Variants in PRKG1 observed in about 807,000 individuals in gnomAD.
PRKG1 encodes cGMP-dependent protein kinase 1.
Under a neutral mutation model 88.1 loss-of-function variants are expected in PRKG1, and 35 were observed. That is an observed-to-expected ratio of 0.40 (90% CI 0.30 to 0.53). PRKG1 has a LOEUF of 0.53. Ranked by LOEUF, PRKG1 falls within the 20% of genes least tolerant of loss-of-function variation. The pLI, the probability that PRKG1 is intolerant of heterozygous loss-of-function variation, is 0.59. For synonymous variants in PRKG1, 303 were observed against 292.5 expected, an observed-to-expected ratio of 1.04 and a Z score of -0.37; for missense variants, 540 against 839.8, an observed-to-expected ratio of 0.64 and a Z score of 4.41.
chr10:51,434,327 G>A (rs1289677896), intron 2 of PRKG1, among the ~76,000 whole-genome samples: 1 of 152,100 alleles, frequency 6.6e-6, no homozygotes, highest in Non-Finnish European at 1.5e-5. Context: ...AAAGCCAAAA[G>A]ACGAAGTAGC....
intron 2 of PRKG1, among the ~76,000 whole-genome samples, chr10:51,449,972 AAG>A (rs1313655172): frequency 3.3e-5 from 5 of 151,986 alleles, no homozygotes; most frequent in African/African-American, 1.2e-4. Flanking sequence ...AACACAGAAA[AAG>A]AGCTATGGGC....
At chr10:51,799,609 A>T (rs984463048) in intron 3 of PRKG1, among the ~76,000 whole-genome samples, 1 of 151,738 alleles carries the variant, frequency 6.6e-6, no homozygotes, top group Non-Finnish European at 1.5e-5. Context: ...ATCCTAGGAG[A>T]TACTGGGGGA....
At chr10:51,771,992 TA>T (rs1388431174) in intron 3 of PRKG1, among the ~76,000 whole-genome samples, 1 of 152,196 alleles carries the variant, frequency 6.6e-6, no homozygotes, top group African/African-American at 2.4e-5. Context: ...ATGGTATTTT[TA>T]TTTTTTTTAA....
intron 7 of PRKG1, among the ~76,000 whole-genome samples, chr10:52,094,406 T>C (rs1009747173): frequency 1.3e-5 from 2 of 152,210 alleles, no homozygotes; most frequent in African/African-American, 4.8e-5. Flanking sequence ...TTTGTACTCA[T>C]ATCACTTGAT....
chr10:52,184,196 AAC>A (rs765236926), intron 9 of PRKG1, among the ~76,000 whole-genome samples: 1 of 152,220 alleles, frequency 6.6e-6, no homozygotes, highest in Admixed American at 6.5e-5. Context: ...ATAAAAATGA[AAC>A]AGTTAAGAAA....
chr10:51,497,176 TAAA>T (rs1840883657), intron 3 of PRKG1, among the ~76,000 whole-genome samples: 2 of 152,302 alleles, frequency 1.3e-5, no homozygotes, highest in South Asian at 4.1e-4. Flanking sequence ...TGGGATAAAA[TAAA>T]GGGTTTTCTT....
chr10:51,283,656 A>G (rs1840359799), intron 2 of PRKG1, among the ~76,000 whole-genome samples: 1 of 152,218 alleles, frequency 6.6e-6, no homozygotes, highest in East Asian at 1.9e-4. Flanking sequence ...GAAGACACTG[A>G]GAGTATCTTA....
chr10:51,107,532 A>G (rs1337884535), intron 1 of PRKG1, among the ~76,000 whole-genome samples: 2 of 152,122 alleles, frequency 1.3e-5, no homozygotes, highest in African/African-American at 2.4e-5. Flanking sequence ...TAGTTCTTTG[A>G]TAGGATCAAT....
chr10:51,563,098 C>A (rs928752040), intron 3 of PRKG1, among the ~76,000 whole-genome samples: 3 of 151,994 alleles, frequency 2.0e-5, no homozygotes, highest in African/African-American at 4.8e-5. Flanking sequence ...ACTTTAGATT[C>A]ATTCTTCAGA....
chr10:51,955,282 T>C (rs1304539327), intron 5 of PRKG1, among the ~76,000 whole-genome samples: 2 of 152,100 alleles, frequency 1.3e-5, no homozygotes, highest in Non-Finnish European at 2.9e-5. Flanking sequence ...CATTCACCAA[T>C]ATTTGACAGC....
chr10:51,249,358 G>C (rs2132138187), intron 2 of PRKG1, among the ~76,000 whole-genome samples: 1 of 151,918 alleles, frequency 6.6e-6, no homozygotes, highest in East Asian at 1.9e-4. Context: ...AAAAGTTTTT[G>C]ACATACAGAA....
At chr10:52,043,632 A>G (rs1238152929) in intron 5 of PRKG1, among the ~76,000 whole-genome samples, 1 of 152,022 alleles carries the variant, frequency 6.6e-6, no homozygotes, top group Non-Finnish European at 1.5e-5. Context: ...TTGGTATTCT[A>G]TTTCACATTT....
At position 50,991,659 on chromosome 10, in the gene PRKG1, C is replaced by A. The variant is rs1192710291; in HGVS notation, c.266+15C>A. On this transcript the variant is annotated intron_variant, in intron 1 of 17. Transcript: ENST00000401604. The surrounding 1 kb of genome is among the most constrained non-coding windows in gnomAD (Gnocchi z 4.5). ...AAGTCCGAAAGGTAGGCGCGGAGGC[C>A]GTGGGCCCGGGCGCTCGTCCCGGCC... 1 of 1,479,790 alleles carries A rather than the reference C, an allele frequency of 6.8e-7. No homozygotes were observed. 91.7% of individuals were successfully genotyped at this position (1,479,790 alleles called of 1,614,324 possible).
intron 3 of PRKG1, among the ~76,000 whole-genome samples, chr10:51,722,491 G>T (rs1038215241): frequency 6.6e-6 from 1 of 151,624 alleles, no homozygotes; most frequent in Admixed American, 6.6e-5. Context: ...TACTTATTAA[G>T]TATCTACTGT....
At chr10:51,569,383 T>A (rs984577869) in intron 3 of PRKG1, among the ~76,000 whole-genome samples, 1 of 152,044 alleles carries the variant, frequency 6.6e-6, no homozygotes, top group Admixed American at 6.6e-5. Flanking sequence ...GGAGAAAGGA[T>A]GCTGAACTTT....
chr10:51,969,020 C>A (rs1405662701), intron 5 of PRKG1, among the ~76,000 whole-genome samples: 1 of 151,778 alleles, frequency 6.6e-6, no homozygotes, highest in Non-Finnish European at 1.5e-5. Flanking sequence ...AAAACAGCAG[C>A]AATGACAATA....
intron 9 of PRKG1, among the ~76,000 whole-genome samples, chr10:52,212,575 C>A (rs1840005372): frequency 6.6e-6 from 1 of 150,726 alleles, no homozygotes. Context: ...GCTTTTCTAT[C>A]TTTTCATCCA....
chr10:52,193,790 A>G (rs1286154607), intron 9 of PRKG1, among the ~76,000 whole-genome samples: 1 of 152,154 alleles, frequency 6.6e-6, no homozygotes, highest in Non-Finnish European at 1.5e-5. Context: ...GGATCCCTTC[A>G]GAGATTCAAA....
intron 2 of PRKG1, among the ~76,000 whole-genome samples, chr10:51,297,743 A>G (rs1477530869): frequency 1.3e-5 from 2 of 152,136 alleles, no homozygotes; most frequent in Non-Finnish European, 2.9e-5. Context: ...TTAAGATGGC[A>G]TCTTTGCCAT....
Sources: gnomAD v4.1 joint callset for allele counts (sites outside exome capture counted in the v4.1 genomes callset) on GRCh38, gnomAD v4.1.1 for gene constraint, Gnocchi (gnomAD v3.1) non-coding constraint, MANE v1.5 for transcripts, NCBI Gene and HGNC (gene_info 2026-07-23, HGNC 2026-07-21) for gene names.